PCDHA13: variants seen among roughly 807,000 people sequenced by gnomAD.
The protein encoded by PCDHA13 is protocadherin alpha-13.
A neutral mutation model predicts 64.8 loss-of-function variants in PCDHA13; 54 were observed. The observed-to-expected ratio is 0.83, with a 90% CI of 0.67 to 1.04. The LOEUF is 1.04. Among genes scored for constraint, PCDHA13 ranks in the 50% least tolerant of loss-of-function variants. PCDHA13 has a pLI of 0.00. For missense variants in PCDHA13, 1,248 were observed against 1,254.3 expected (o/e 0.99, Z 0.08); for synonymous variants, 587 against 564.4 (o/e 1.04, Z -0.57).
intron 1 of PCDHA13, among the ~76,000 whole-genome samples, chr5:140,894,188 A>AT (rs1157134749): frequency 1.1e-4 from 17 of 152,072 alleles, no homozygotes; most frequent in African/African-American, 4.1e-4. Flanking sequence ...ATAGTTATAT[A>AT]TTTTTTCTAT....
intron 1 of PCDHA13, among the ~76,000 whole-genome samples, chr5:140,885,025 T>A (rs2060432297): frequency 6.6e-6 from 1 of 152,228 alleles, no homozygotes; most frequent in Non-Finnish European, 1.5e-5. Context: ...ATCTTAAATT[T>A]AAAAAATTTT....
chr5:140,927,412 G>A, intron 1 of PCDHA13: 1 of 1,614,122 alleles, frequency 6.2e-7, no homozygotes, highest in African/African-American at 1.3e-5. Context: ...CCTGGACATG[G>A]GATCGCGGGT....
intron 1 of PCDHA13, among the ~76,000 whole-genome samples, chr5:140,950,176 T>G (rs1221821328): frequency 6.6e-6 from 1 of 151,976 alleles, no homozygotes; most frequent in Non-Finnish European, 1.5e-5. Flanking sequence ...TTTAGAGAAT[T>G]AAGAAGGAAA....
chr5:140,902,666 C>A (rs1554190555), intron 1 of PCDHA13, among the ~76,000 whole-genome samples: 1 of 152,122 alleles, frequency 6.6e-6, no homozygotes, highest in Non-Finnish European at 1.5e-5. Context: ...GTCACCCAAG[C>A]AGTGTACACC....
At chr5:140,991,183 A>G (rs3776108) in intron 3 of PCDHA13, among the ~76,000 whole-genome samples, 7,613 of 152,310 alleles carry the variant, frequency 0.05, 238 homozygotes, top group South Asian at 0.11. Flanking sequence ...CAGGATGCCT[A>G]GCACACAATG....
At chr5:140,913,166 GTTC>G (rs1273182839) in intron 1 of PCDHA13, among the ~76,000 whole-genome samples, 1 of 152,160 alleles carries the variant, frequency 6.6e-6, no homozygotes, top group Non-Finnish European at 1.5e-5. Flanking sequence ...ATTGGTATTA[GTTC>G]TTCTTTAAAT....
intron 1 of PCDHA13, among the ~76,000 whole-genome samples, chr5:140,912,342 TA>T (rs1371454067): frequency 9.7e-5 from 12 of 123,478 alleles, no homozygotes; most frequent in African/African-American, 4.4e-4. Context: ...GTACACTAAG[TA>T]TTTTTTTTTT....
intron 1 of PCDHA13, among the ~76,000 whole-genome samples, chr5:140,917,561 C>T (rs1286710001): frequency 6.6e-6 from 1 of 152,214 alleles, no homozygotes; most frequent in Non-Finnish European, 1.5e-5. Flanking sequence ...ACTCTTTAAT[C>T]CATCTCAGGC....
chr5:140,936,270 T>C (rs1367001317), intron 1 of PCDHA13, among the ~76,000 whole-genome samples: 1 of 152,226 alleles, frequency 6.6e-6, no homozygotes, highest in African/African-American at 2.4e-5. Flanking sequence ...GAAGATATAT[T>C]CCTGTGTTTT....
chr5:140,929,499 C>A, intron 1 of PCDHA13: 2 of 980,262 alleles, frequency 2.0e-6, no homozygotes, highest in Non-Finnish European at 2.8e-6. Context: ...GAAGATTGCC[C>A]TAGGCCTCAA....
In PCDHA13 at chr5:140,883,308, C is replaced by A; in HGVS notation, c.1040C>A (p.Ala347Asp). Reference protein sequence around the residue: ...LVEVLDVNDNAPEVTITSLSL... With the variant: ...LVEVLDVNDNDPEVTITSLSL... ...GAAGTACTAGATGTAAATGATAACG[C>A]CCCAGAGGTTACCATCACTTCTTTG... Residue 347 changes from alanine to aspartate, a missense_variant, in exon 1 of 4, where the codon GCC (alanine) becomes GAC (aspartate). Physicochemically the swap from Ala to Asp is moderately radical, Grantham distance 126 (BLOSUM62 -2). Transcript: ENST00000289272. 1 of 1,614,102 alleles carries A rather than the reference C, an allele frequency of 6.2e-7. No individual in the cohort carries two copies. The highest frequency in any genetic ancestry group is 8.5e-7 in the Non-Finnish European group (1 of 1,180,030).
At position 140,957,203 on chromosome 5, in the gene PCDHA13, A is replaced by T. The variant is rs921844658; in HGVS notation, c.2395-21746A>T. 3.3e-5 allele frequency among the ~76,000 whole-genome samples: 5 copies of T among 152,184 alleles called. 1 individual carries two copies. In the South Asian group the frequency reaches 6.2e-4, roughly 19 times the overall value. ...TATTGATGACCGATTGGGAATATAAATAGGCACAAAAATTTGGCGAAGCAT... is the reference window on the plus strand; with the variant it reads ...TATTGATGACCGATTGGGAATATAATTAGGCACAAAAATTTGGCGAAGCAT... On this transcript the variant is annotated intron_variant, in intron 1 of 3. Transcript: ENST00000289272.
chr5:140,897,383 C>T (rs1554187365), intron 1 of PCDHA13, among the ~76,000 whole-genome samples: 1 of 143,902 alleles, frequency 6.9e-6, no homozygotes, highest in African/African-American at 2.6e-5. Flanking sequence ...CTTCCCCTTC[C>T]TGTGTCCATG....
rs1007708043 is a variant in PCDHA13 at position 140,967,271 on chromosome 5, A to G, written c.2395-11678A>G. 3.1e-6 allele frequency: 5 copies of G among 1,613,338 alleles called. No individual in the cohort carries two copies. The South Asian group carries it at 5.5e-5, about 18-fold the overall frequency. On this transcript the variant is annotated intron_variant, in intron 1 of 3. Transcript: ENST00000289272. The stretch of plus-strand genomic sequence containing the variant: ...GGTGGCGCCTGGAGCGCGCTTTCAC[A>G]TAGAGAGTGCGCAGGACCCCGACGT...
Position 140,974,282 on chromosome 5 carries a change from T to C in PCDHA13, c.2395-4667T>C, listed in dbSNP as rs115449410. Among the ~76,000 whole-genome samples, 1,252 of 152,332 alleles carry C rather than the reference T, an allele frequency of 8.2e-3. 23 individuals carry two copies. The highest frequency in any genetic ancestry group is 0.028 in the African/African-American group (1,180 of 41,572). ...TTCTGGCCTTCCAGGGTCAGAACTC[T>C]GGGCTCCAAGGAGGTACAACTGTGA... On this transcript the variant is annotated intron_variant, in intron 1 of 3. Coordinates refer to ENST00000289272, the MANE Select transcript of PCDHA13 (RefSeq NM_018904.3).
chr5:140,897,923 G>A (rs371929339), intron 1 of PCDHA13, among the ~76,000 whole-genome samples: 11 of 152,078 alleles, frequency 7.2e-5, no homozygotes, highest in East Asian at 5.8e-4. Flanking sequence ...TTTGATTTGC[G>A]TTTCTCTGAT....
At chr5:140,943,019 G>A (rs1554215345) in intron 1 of PCDHA13, among the ~76,000 whole-genome samples, 1 of 152,068 alleles carries the variant, frequency 6.6e-6, no homozygotes, top group Non-Finnish European at 1.5e-5. Flanking sequence ...CACTTTGGGA[G>A]GCTGAGGTGG....
chr5:141,005,714 A>AAG (rs2098233543), intron 3 of PCDHA13, among the ~76,000 whole-genome samples: 1 of 148,328 alleles, frequency 6.7e-6, no homozygotes, highest in Non-Finnish European at 1.5e-5. Flanking sequence ...AAAAAAAAAA[A>AAG]AAAAAAAAAA....
At chr5:141,000,412 TATATATA>T (rs1563651366) in intron 3 of PCDHA13, among the ~76,000 whole-genome samples, 7 of 102,770 alleles carry the variant, frequency 6.8e-5, no homozygotes, top group African/African-American at 2.7e-4. Context: ...TATATATATA[TATATATA>T]TATTTTTTTT....
Sources: allele counts gnomAD v4.1 joint callset (sites outside exome capture counted in the v4.1 genomes callset), GRCh38; gene constraint gnomAD v4.1.1; transcripts MANE v1.5; gene names NCBI Gene and HGNC (gene_info 2026-07-23, HGNC 2026-07-21).